Variants in ITGBL1 observed in about 807,000 individuals in gnomAD.
The protein encoded by ITGBL1 is integrin beta-like protein 1.
A neutral mutation model predicts 68.5 loss-of-function variants in ITGBL1; 51 were observed. The ratio of observed to expected loss-of-function variants is 0.74; its 90% CI spans 0.59 to 0.94. The LOEUF is 0.94. Among genes scored for constraint, ITGBL1 ranks in the 40% least tolerant of loss-of-function variants. The pLI is 0.00. For missense variants in ITGBL1, 649 were observed against 647.4 expected (o/e 1.00, Z -0.03); for synonymous variants, 209 against 227.3 (o/e 0.92, Z 0.72).
downstream of ITGBL1, chr13:101,720,432 ATCTTG>A (rs2034890509): frequency 6.6e-6 from 1 of 152,112 alleles, no homozygotes; most frequent in Non-Finnish European, 1.5e-5. Flanking sequence ...ACAAAAATAA[ATCTTG>A]TCTTAATTTA....
rs773556260 is a variant in ITGBL1 at position 101,692,647 on chromosome 13, A to T, written c.1078A>T (p.Thr360Ser). 1 of 1,613,870 alleles carries T rather than the reference A, an allele frequency of 6.2e-7. No individual in the cohort carries two copies. Among genetic ancestry groups the T allele is most frequent in the East Asian group, 2.2e-5 (1 of 44,868 alleles). The change falls in exon 8 of 11, where the codon ACT (threonine) becomes TCT (serine). Residue 360 changes from threonine (T) to serine (S), a missense_variant. By Grantham distance (58) the Thr-to-Ser change is moderately conservative (BLOSUM62 1). Coordinates refer to ENST00000376180, the MANE Select transcript of ITGBL1 (RefSeq NM_004791.3). ...AGGAGATCGCCGGGTGTATGGCAAGACTTGTGAGTGTGATGATCGCCGCTG... is the reference window on the plus strand; with the variant it reads ...AGGAGATCGCCGGGTGTATGGCAAGTCTTGTGAGTGTGATGATCGCCGCTG... ...PPGDRRVYGKTCECDDRRCED... is the reference protein window; with the variant it reads ...PPGDRRVYGKSCECDDRRCED...
chr13:101,712,554 T>C (rs995567036), intron 9 of ITGBL1: 1 of 152,154 alleles, frequency 6.6e-6, no homozygotes, highest in African/African-American at 2.4e-5. Flanking sequence ...GGTGTATATA[T>C]GAATATTATG....
At chr13:101,525,373 T>C (rs1187174826) in intron 2 of ITGBL1, among the ~76,000 whole-genome samples, 1 of 152,088 alleles carries the variant, frequency 6.6e-6, no homozygotes, top group Non-Finnish European at 1.5e-5. Context: ...AATTTTATTA[T>C]GGAAAAATAA....
chr13:101,507,858 ATAAAAC>A (rs1238730824), intron 2 of ITGBL1, among the ~76,000 whole-genome samples: 5 of 152,226 alleles, frequency 3.3e-5, no homozygotes, highest in Non-Finnish European at 5.9e-5. Flanking sequence ...AGTTGCATTC[ATAAAAC>A]TTAGATTGTA....
chr13:101,654,937 G>T (rs759332660), intron 7 of ITGBL1, among the ~76,000 whole-genome samples: 1 of 152,128 alleles, frequency 6.6e-6, no homozygotes, highest in African/African-American at 2.4e-5. Context: ...TAAAAGCAAT[G>T]TTCAGAGAAG....
At chr13:101,660,909 A>G (rs2033067989) in intron 7 of ITGBL1, among the ~76,000 whole-genome samples, 1 of 152,216 alleles carries the variant, frequency 6.6e-6, no homozygotes, top group South Asian at 2.1e-4. Context: ...TGAGAAACAC[A>G]AAACACTGCT....
chr13:101,504,215 G>A (rs2048989495), intron 2 of ITGBL1, among the ~76,000 whole-genome samples: 1 of 152,144 alleles, frequency 6.6e-6, no homozygotes, highest in South Asian at 2.1e-4. Flanking sequence ...TTTTTAAAAA[G>A]TTAAAGATCT....
intron 2 of ITGBL1, among the ~76,000 whole-genome samples, chr13:101,476,331 A>C (rs1706988536): frequency 6.6e-6 from 1 of 152,104 alleles, no homozygotes; most frequent in Non-Finnish European, 1.5e-5. Flanking sequence ...AATTCCAAAA[A>C]CTGACAGATA....
intron 2 of ITGBL1, among the ~76,000 whole-genome samples, chr13:101,544,011 G>A (rs1275175862): frequency 6.6e-6 from 1 of 152,088 alleles, no homozygotes; most frequent in African/African-American, 2.4e-5. Flanking sequence ...TCCTCCTTTA[G>A]CTCGGAGTAG....
intron 7 of ITGBL1, among the ~76,000 whole-genome samples, chr13:101,667,530 C>A (rs2139493553): frequency 6.6e-6 from 1 of 151,552 alleles, no homozygotes; most frequent in South Asian, 2.1e-4. Context: ...AACAAAGTTG[C>A]TAGAGAAACT....
At chr13:101,665,620 C>T (rs190489467) in intron 7 of ITGBL1, among the ~76,000 whole-genome samples, 396 of 152,012 alleles carry the variant, frequency 2.6e-3, no homozygotes, top group Non-Finnish European at 4.8e-3. Flanking sequence ...TGCTTTGGGG[C>T]AATTAGCTAT....
At chr13:101,648,864 ATAT>A (rs921688978) in intron 7 of ITGBL1, among the ~76,000 whole-genome samples, 13 of 152,032 alleles carry the variant, frequency 8.6e-5, no homozygotes, top group African/African-American at 2.7e-4. Flanking sequence ...GGTGTTAGTA[ATAT>A]TATTTTCTTT....
intron 2 of ITGBL1, among the ~76,000 whole-genome samples, chr13:101,562,349 A>G (rs1050605849): frequency 6.6e-6 from 1 of 152,098 alleles, no homozygotes; most frequent in African/African-American, 2.4e-5. Flanking sequence ...AATGTAAAAA[A>G]TCATGTTAAA....
intron 2 of ITGBL1, among the ~76,000 whole-genome samples, chr13:101,473,461 C>T (rs1422983866): frequency 2.6e-5 from 4 of 152,212 alleles, no homozygotes; most frequent in African/African-American, 9.6e-5. Context: ...TCATTTTGAT[C>T]AGCCCTAGCC....
intron 7 of ITGBL1, among the ~76,000 whole-genome samples, chr13:101,644,121 G>A (rs1001942003): frequency 3.9e-5 from 6 of 152,090 alleles, no homozygotes; most frequent in African/African-American, 1.4e-4. Flanking sequence ...CCTCCCTGTT[G>A]CTCCCTTACC....
At chr13:101,553,852 G>A (rs1003267813) in intron 2 of ITGBL1, among the ~76,000 whole-genome samples, 7 of 151,942 alleles carry the variant, frequency 4.6e-5, no homozygotes, top group Admixed American at 1.3e-4. Context: ...TCGGCTCACC[G>A]CAACATCTGC....
chr13:101,634,941 G>GGTGTGTGTGTGT lies in ITGBL1; in HGVS notation c.1015+36661_1015+36672dup, dbSNP rs59309809. 2.9e-4 allele frequency among the ~76,000 whole-genome samples: 42 copies of GGTGTGTGTGTGT among 145,898 alleles called. 1 individual carries two copies. Among genetic ancestry groups the GGTGTGTGTGTGT allele is most frequent in the East Asian group, 2.8e-3 (14 of 5,006 alleles). On this transcript the variant is annotated intron_variant, in intron 7 of 10. Transcript: ENST00000376180. ...AGATATACTTTCAATATAAGCAAAA[G>GGTGTGTGTGTGT]GTGTGTGTGTGTGTGTGTGTGTGTG...
At chr13:101,490,547 T>C (rs893296148) in intron 2 of ITGBL1, among the ~76,000 whole-genome samples, 14 of 152,180 alleles carry the variant, frequency 9.2e-5, no homozygotes, top group African/African-American at 3.4e-4. Context: ...TCACACACAG[T>C]AAGTAGCCAT....
In ITGBL1 at chr13:101,661,542, C is replaced by T. The variant is rs368146150; in HGVS notation, c.1016-31043C>T. 1.6e-4 allele frequency among the ~76,000 whole-genome samples: 25 copies of T among 152,224 alleles called. No homozygotes were observed. In the East Asian group the frequency reaches 4.8e-3, roughly 29 times the overall value. ...GCTTATAGCTCTTGTTTTCGGGTTT[C>T]CTGAAGGATATTACTTCCTATAAGT... On this transcript the variant is annotated intron_variant, in intron 7 of 10. Coordinates refer to ENST00000376180, the MANE Select transcript of ITGBL1 (RefSeq NM_004791.3).
Sources: allele counts gnomAD v4.1 joint callset (sites outside exome capture counted in the v4.1 genomes callset), GRCh38; gene constraint gnomAD v4.1.1; transcripts MANE v1.5; gene names NCBI Gene and HGNC (gene_info 2026-07-23, HGNC 2026-07-21).